The following CD163 variants were observed in gnomAD, a reference collection of about 807,000 sequenced individuals.
The protein encoded by CD163 is scavenger receptor cysteine-rich type 1 protein M130.
CD163 carries 64 observed loss-of-function variants against 129.2 expected under a neutral mutation model. The observed-to-expected ratio is 0.50, with a 90% CI of 0.41 to 0.61. The LOEUF is 0.61. Among genes scored for constraint, CD163 ranks in the 20% least tolerant of loss-of-function variants. CD163 has a pLI of 0.00. For synonymous variants in CD163, 446 were observed against 478.5 expected (o/e 0.93, Z 0.89); for missense variants, 1,061 against 1,377.9 (o/e 0.77, Z 3.64).
intron 4 of CD163, among the ~76,000 whole-genome samples, chr12:7,497,627 T>G (rs1949420720): frequency 6.6e-6 from 1 of 152,194 alleles, no homozygotes; most frequent in Non-Finnish European, 1.5e-5. Context: ...GAAAGGAGGC[T>G]TCAGTACTAC....
At position 7,501,225 on chromosome 12, in the gene CD163, T is replaced by G. The variant is rs1949482357; in HGVS notation, c.371A>C (p.Glu124Ala). ...WMDHVSCRGN[E>A]SALWDCKHDG... is the part of the protein sequence containing the mutation. The stretch of plus-strand genomic sequence containing the variant: ...ATGTTTGCAATCCCAAAGAGCTGAC[T>G]CATTCCCACGACAAGAAACATGATC... Residue 124 changes from glutamate to alanine, a missense_variant, in exon 3 of 17, where the codon GAG becomes GCG. Transcript: ENST00000432237. The G allele has an allele frequency of 6.2e-7, 1 of 1,614,110 alleles. No homozygotes were observed. The highest frequency in any genetic ancestry group is 8.5e-7 in the Non-Finnish European group (1 of 1,180,046).
In CD163 at chr12:7,483,671, C is replaced by A. The variant is rs1396940876; in HGVS notation, c.2784G>T (p.Lys928Asn). 4.4e-6 allele frequency: 7 copies of A among 1,602,644 alleles called. No homozygotes were observed. The highest frequency in any genetic ancestry group is 6.0e-6 in the Non-Finnish European group (7 of 1,173,220). The change falls in exon 12 of 17, where the codon AAG (lysine) becomes AAT (asparagine). Residue 928 changes from lysine (K) to asparagine (N), a missense_variant. Physicochemically the swap from Lys to Asn is moderately conservative, Grantham distance 94 (BLOSUM62 0). Transcript: ENST00000432237. ...AAGTGGGTCCTTCCTGAAGTCTTAT[C>A]TTGTCTGAAAAATCAGAGACATGTA... ...SEETWITCDN[K>N]IRLQEGPTSC...
intron 16 of CD163, among the ~76,000 whole-genome samples, chr12:7,475,991 C>T (rs1949081433): frequency 6.6e-6 from 1 of 152,046 alleles, no homozygotes; most frequent in African/African-American, 2.4e-5. Context: ...TTCACAATTC[C>T]TACAAAGAGA....
chr12:7,494,962 A>C, intron 6 of CD163, 119 bp downstream of exon 6: 4 of 749,302 alleles, frequency 5.3e-6, no homozygotes, highest in Non-Finnish European at 9.1e-6. Context: ...GAATTTGTGT[A>C]GATATTTCCT....
rs1439324014 is a variant in CD163, at chr12:7,483,555, C to T, written c.2900G>A (p.Cys967Tyr). ...SWDLDDAQVV[C>Y]QQLGCGPALK... ...AGCTGGACCACAGCCAAGTTGTTGACACACCACCTGAGCATCGTCCAAGTC... is the reference window on the plus strand; with the variant it reads ...AGCTGGACCACAGCCAAGTTGTTGATACACCACCTGAGCATCGTCCAAGTC... Residue 967 changes from cysteine (C) to tyrosine (Y), a missense_variant, in exon 12 of 17, where the codon TGT (cysteine) becomes TAT (tyrosine). Physicochemically the swap from Cys to Tyr is radical, Grantham distance 194. Transcript: ENST00000432237. 2.5e-6 allele frequency: 4 copies of T among 1,613,772 alleles called. No individual in the cohort carries two copies. Among genetic ancestry groups the T allele is most frequent in the Non-Finnish European group, 3.4e-6 (4 of 1,179,974 alleles).
At chr12:7,483,143 C>T in intron 12 of CD163, 139 bp from the exon 13 acceptor site, 1 of 890,308 alleles carries the variant, frequency 1.1e-6, no homozygotes, top group Non-Finnish European at 1.7e-6. Flanking sequence ...GTCCTCTAGT[C>T]TTTCTTTCTC....
chr12:7,490,029 T>C (rs1428800257), intron 6 of CD163, among the ~76,000 whole-genome samples: 1 of 152,082 alleles, frequency 6.6e-6, no homozygotes, highest in Non-Finnish European at 1.5e-5. Flanking sequence ...TTCAAGGCTG[T>C]TCAATTTCTC....
At chr12:7,476,807 C>A (rs1254027652) in intron 16 of CD163, among the ~76,000 whole-genome samples, 2 of 152,144 alleles carry the variant, frequency 1.3e-5, no homozygotes, top group African/African-American at 4.8e-5. Flanking sequence ...AGGCAACCTA[C>A]AGAATGGGAG....
At chr12:7,501,521 A>G in intron 2 of CD163, 59 bp from the exon 3 acceptor site, 1 of 1,245,394 alleles carries the variant, frequency 8.0e-7, no homozygotes, top group Non-Finnish European at 1.2e-6. Context: ...GTAGAAAATT[A>G]TTTTTTTACA....
At chr12:7,493,924 A>G (rs1949362007) in intron 6 of CD163, among the ~76,000 whole-genome samples, 6 of 152,224 alleles carry the variant, frequency 3.9e-5, no homozygotes, top group Non-Finnish European at 1.5e-5. Flanking sequence ...ACGGTAATAA[A>G]TTATAAGAAA....
Position 7,501,274 on chromosome 12 carries a change from C to T in CD163, c.322G>A (p.Ala108Thr), listed in dbSNP as rs1332860579. The stretch of plus-strand genomic sequence containing the variant: ...TCCATCCAAATGCGTCCAGAACCTG[C>T]ACTGGAATTAGCCCATCCAGGGGCT... ...IKAPGWANSS[A>T]GSGRIWMDHV... The change falls in exon 3 of 17, where the codon GCA becomes ACA. Residue 108 changes from alanine (A) to threonine (T), a missense_variant. Transcript: ENST00000432237. 6.2e-7 allele frequency: 1 copy of T among 1,614,202 alleles called. No homozygotes were observed. Among genetic ancestry groups the T allele is most frequent in the Admixed American group, 1.7e-5 (1 of 60,022 alleles).
In CD163 at chr12:7,483,040, T is replaced by C. The variant is rs141090673; in HGVS notation, c.3089-36A>G. 1.9e-3 allele frequency: 3,105 copies of C among 1,600,486 alleles called. 23 individuals carry two copies. The Middle Eastern group carries it at 0.033, about 17-fold the overall frequency. On this transcript the variant is annotated intron_variant, in intron 12 of 16. Coordinates refer to ENST00000432237, the MANE Select transcript of CD163 (RefSeq NM_203416.4). Reference sequence around the variant, plus strand: ...AAAGAAAGAGAGAGGGTTAATTCTTTGCATGATATATAGAACAAGCCTTCT... The same window carrying C: ...AAAGAAAGAGAGAGGGTTAATTCTTCGCATGATATATAGAACAAGCCTTCT...
At position 7,502,515 on chromosome 12, in the gene CD163, G is replaced by A. The variant is rs775830177; in HGVS notation, c.96C>T (p.Val32=). The A allele has an allele frequency of 1.2e-6, 2 of 1,606,438 alleles. No individual in the cohort carries two copies. The highest frequency in any genetic ancestry group is 2.2e-5 in the South Asian group (2 of 90,666). The change falls in exon 2 of 17, where the codon GTC becomes GTT. Residue 32 remains valine, a synonymous_variant. Coordinates refer to ENST00000432237, the MANE Select transcript of CD163 (RefSeq NM_203416.4). ...TGACAAAACAGGCACTGAGAAGTAAGACCACAGTAATGGTGAAGGGACTCA... is the reference window on the plus strand; with the variant it reads ...TGACAAAACAGGCACTGAGAAGTAAAACCACAGTAATGGTGAAGGGACTCA... ...VNLSPFTITV[V]LLLSACFVTS... is the part of the protein sequence containing the mutation.
chr12:7,501,543 T>C, intron 2 of CD163, 81 bp from the exon 3 acceptor site: 1 of 1,030,322 alleles, frequency 9.7e-7, no homozygotes, highest in Non-Finnish European at 1.5e-6. Flanking sequence ...TACTTATTTA[T>C]CCTTCAAACT....
Position 7,496,717 on chromosome 12 carries a change from T to C in CD163, c.1099+96A>G. On this transcript the variant is annotated intron_variant, in intron 5 of 16. Coordinates refer to ENST00000432237, the MANE Select transcript of CD163 (RefSeq NM_203416.4). The surrounding 1 kb of genome is among the most constrained non-coding windows in gnomAD (Gnocchi z 4.8). ...GGAATTTACTAGGCATTTCTACTTC[T>C]TAAGGAGCACGTTCCTACTCTTAAG... The C allele has an allele frequency of 9.9e-7, 1 of 1,013,158 alleles. No individual in the cohort carries two copies. The highest frequency in any genetic ancestry group is 1.4e-5 in the South Asian group (1 of 72,754). The allele number at this position is 1,013,158 out of a possible 1,614,324, so 62.8% of individuals were successfully genotyped here.
intron 16 of CD163, among the ~76,000 whole-genome samples, chr12:7,473,429 TAAAGGA>T (rs1295016351): frequency 6.6e-6 from 1 of 152,160 alleles, no homozygotes; most frequent in Non-Finnish European, 1.5e-5. Flanking sequence ...TTAATATTCA[TAAAGGA>T]AACAATTTTC....
chr12:7,472,727 G>A (rs1949023113), intron 16 of CD163, among the ~76,000 whole-genome samples: 1 of 152,176 alleles, frequency 6.6e-6, no homozygotes, highest in South Asian at 2.1e-4. Context: ...TAATGAGGTT[G>A]ATGAATTGAC....
Position 7,501,474 on chromosome 12 carries a change from G to A in CD163, c.134-12C>T. ...CTTGTCTGTTCCTCCTGCAACAATG[G>A]ATTAAGACAGTAATTGGCCAAGGTC... On this transcript the variant is annotated splice_polypyrimidine_tract_variant and intron_variant, in intron 2 of 16. Coordinates refer to ENST00000432237, the MANE Select transcript of CD163 (RefSeq NM_203416.4). 1 of 1,603,182 alleles carries A rather than the reference G, an allele frequency of 6.2e-7. No homozygotes were observed.
At chr12:7,497,244 G>A in intron 4 of CD163, 111 bp from the exon 5 acceptor site, 1 of 862,956 alleles carries the variant, frequency 1.2e-6, no homozygotes, top group Non-Finnish European at 1.8e-6. Context: ...AGTGGAGACA[G>A]AGAAAACTGT....
Sources: gnomAD v4.1 joint callset for allele counts (sites outside exome capture counted in the v4.1 genomes callset) on GRCh38, gnomAD v4.1.1 for gene constraint, Gnocchi (gnomAD v3.1) non-coding constraint, MANE v1.5 for transcripts, NCBI Gene and HGNC (gene_info 2026-07-23, HGNC 2026-07-21) for gene names.